The following SUCLG2 variants were observed in gnomAD, a reference collection of about 807,000 sequenced individuals.
SUCLG2 encodes the protein succinate-CoA ligase GDP-forming subunit beta, also known as succinate--CoA ligase [GDP-forming] subunit beta, mitochondrial.
SUCLG2 carries 42 observed loss-of-function variants against 47.9 expected under a neutral mutation model. The observed-to-expected ratio is 0.88, with a 90% confidence interval of 0.69 to 1.14. The LOEUF is 1.14. Ranked by LOEUF, SUCLG2 falls within the 50% of genes most tolerant of loss-of-function variation. The pLI, the probability that SUCLG2 is intolerant of heterozygous loss-of-function variation, is 0.00. For missense variants in SUCLG2, 571 were observed against 525.9 expected, an observed-to-expected ratio of 1.09 and a Z score of -0.84; for synonymous variants, 195 against 197.3, an observed-to-expected ratio of 0.99 and a Z score of 0.10.
intron 2 of SUCLG2, among the ~76,000 whole-genome samples, chr3:67,586,460 C>T (rs1227898373): frequency 6.6e-6 from 1 of 152,180 alleles, no homozygotes; most frequent in African/African-American, 2.4e-5. Flanking sequence ...TTCGAGAGAT[C>T]AGAAACAGGT....
chr3:67,425,816 G>A (rs1703287004), intron 9 of SUCLG2, among the ~76,000 whole-genome samples: 1 of 152,194 alleles, frequency 6.6e-6, no homozygotes, highest in Admixed American at 6.5e-5. Context: ...TAAAACAGGT[G>A]TAGTAAATTT....
intron 2 of SUCLG2, among the ~76,000 whole-genome samples, chr3:67,555,900 G>A (rs1339236599): frequency 1.3e-5 from 2 of 152,190 alleles, no homozygotes; most frequent in African/African-American, 4.8e-5. Context: ...CAAATCTAAG[G>A]TGGAGAAACC....
At chr3:67,616,220 C>T (rs1355080590) in intron 1 of SUCLG2, among the ~76,000 whole-genome samples, 1 of 152,006 alleles carries the variant, frequency 6.6e-6, no homozygotes. Flanking sequence ...GAGAAATAAA[C>T]GTTTGACGTG....
At position 67,609,614 on chromosome 3, in the gene SUCLG2, G is replaced by C. The variant is rs754794908; in HGVS notation, c.85-18C>G. On this transcript the variant is annotated intron_variant, in intron 1 of 10. Coordinates refer to ENST00000307227, the MANE Select transcript of SUCLG2 (RefSeq NM_003848.4). ...TGAACTGCCTACAGAAATTGAAGGA[G>C]AGAGGTAAGAACATTCATTAATAGC... 1 of 1,610,636 alleles carries C rather than the reference G, an allele frequency of 6.2e-7. No homozygotes were observed. The highest frequency in any genetic ancestry group is 8.5e-7 in the Non-Finnish European group (1 of 1,178,692).
At chr3:67,521,631 C>T (rs1277245434) in intron 4 of SUCLG2, among the ~76,000 whole-genome samples, 1 of 150,358 alleles carries the variant, frequency 6.7e-6, no homozygotes. Flanking sequence ...AAGACAGAGT[C>T]TCACTCTGTC....
intron 1 of SUCLG2, among the ~76,000 whole-genome samples, chr3:67,629,083 C>G (rs950885262): frequency 1.3e-5 from 2 of 152,164 alleles, no homozygotes; most frequent in Non-Finnish European, 1.5e-5. Flanking sequence ...GGTGTAAGAA[C>G]GTTTTCTGCT....
In SUCLG2 at chr3:67,582,105, C is replaced by T. The variant is rs1287059496; in HGVS notation, c.226+27350G>A. On this transcript the variant is annotated intron_variant, in intron 2 of 10. Coordinates refer to ENST00000307227, the MANE Select transcript of SUCLG2 (RefSeq NM_003848.4). ...CCATGTGCATGGCATATTAATATACCATATTTCTTTAAAAAAAACTTATTT... is the reference window on the plus strand; with the variant it reads ...CCATGTGCATGGCATATTAATATACTATATTTCTTTAAAAAAAACTTATTT... Among the ~76,000 whole-genome samples, 3 of 152,084 alleles carry T rather than the reference C, an allele frequency of 2.0e-5. No homozygotes were observed. The South Asian group carries it at 6.2e-4, about 32-fold the overall frequency.
At chr3:67,386,502 T>A (rs1333179634) in intron 10 of SUCLG2, among the ~76,000 whole-genome samples, 1 of 152,090 alleles carries the variant, frequency 6.6e-6, no homozygotes, top group East Asian at 1.9e-4. Flanking sequence ...GGGTAATTGA[T>A]AAAGGAAAGG....
chr3:67,589,450 A>C lies in SUCLG2; in HGVS notation c.226+20005T>G, dbSNP rs1387485477. 2.0e-5 allele frequency among the ~76,000 whole-genome samples: 3 copies of C among 152,230 alleles called. No homozygotes were observed. In the East Asian group the frequency reaches 5.8e-4, roughly 29 times the overall value. Reference sequence around the variant, plus strand: ...ACTGCTTTTCATTAAACTGACTAATAATGTGATTGAAGTGGCCAAACAATC... The same window carrying C: ...ACTGCTTTTCATTAAACTGACTAATCATGTGATTGAAGTGGCCAAACAATC... On this transcript the variant is annotated intron_variant, in intron 2 of 10. Transcript: ENST00000307227.
intron 10 of SUCLG2, among the ~76,000 whole-genome samples, chr3:67,362,440 T>A (rs547170943): frequency 6.6e-6 from 1 of 152,330 alleles, no homozygotes; most frequent in African/African-American, 2.4e-5. Flanking sequence ...AATTGCAATA[T>A]ATTTTCATGT....
chr3:67,538,216 G>A (rs1706599589), intron 2 of SUCLG2, among the ~76,000 whole-genome samples: 1 of 152,148 alleles, frequency 6.6e-6, no homozygotes. Flanking sequence ...TTATGTTTAA[G>A]TCTTTACTCC....
At chr3:67,417,116 A>G (rs1703055434) in intron 9 of SUCLG2, among the ~76,000 whole-genome samples, 1 of 151,866 alleles carries the variant, frequency 6.6e-6, no homozygotes, top group Non-Finnish European at 1.5e-5. Flanking sequence ...AAGAGCAAAG[A>G]GAATTCTTGT....
chr3:67,514,741 A>T (rs1705895736), intron 6 of SUCLG2, among the ~76,000 whole-genome samples: 1 of 152,210 alleles, frequency 6.6e-6, no homozygotes, highest in Admixed American at 6.5e-5. Context: ...AAAGGACAAA[A>T]TTATGGAATA....
intron 10 of SUCLG2, among the ~76,000 whole-genome samples, chr3:67,392,161 C>T (rs1465645234): frequency 2.6e-5 from 4 of 152,170 alleles, no homozygotes; most frequent in Admixed American, 6.5e-5. Flanking sequence ...TCATCTCCTT[C>T]CTCCTTCACT....
At chr3:67,585,992 C>CAAA (rs1491229038) in intron 2 of SUCLG2, among the ~76,000 whole-genome samples, 4 of 66,720 alleles carry the variant, frequency 6.0e-5, no homozygotes, top group African/African-American at 1.1e-4. Context: ...AAAAAAAAAA[C>CAAA]CAAACCCACA....
At chr3:67,389,559 C>T (rs954151671) in intron 10 of SUCLG2, among the ~76,000 whole-genome samples, 2 of 152,148 alleles carry the variant, frequency 1.3e-5, no homozygotes, top group African/African-American at 4.8e-5. Context: ...ACTACAGGGA[C>T]CTTTGCGAAA....
Position 67,520,698 on chromosome 3 carries a change from T to C in SUCLG2, c.418-64A>G, listed in dbSNP as rs1225093537. 8 of 1,533,276 alleles carry C rather than the reference T, an allele frequency of 5.2e-6. No homozygotes were observed. In the East Asian group the frequency reaches 6.8e-5, roughly 13 times the overall value. The allele number at this position is 1,533,276 out of a possible 1,614,324, so 95.0% of individuals were successfully genotyped here. ...AAGCTGATTTCTACTTGGAAATCTA[T>C]ACAAACTTGCTACACGAATCAAATG... On this transcript the variant is annotated intron_variant, in intron 4 of 10. Coordinates refer to ENST00000307227, the MANE Select transcript of SUCLG2 (RefSeq NM_003848.4).
At chr3:67,472,823 T>A (rs185725258) in intron 9 of SUCLG2, among the ~76,000 whole-genome samples, 1 of 152,292 alleles carries the variant, frequency 6.6e-6, no homozygotes, top group Non-Finnish European at 1.5e-5. Flanking sequence ...GTGGGGATAA[T>A]GATATACTTC....
At chr3:67,610,972 G>A (rs903733579) in intron 1 of SUCLG2, among the ~76,000 whole-genome samples, 2 of 152,174 alleles carry the variant, frequency 1.3e-5, no homozygotes, top group African/African-American at 2.4e-5. Flanking sequence ...TCTCTGTGAA[G>A]AAGGTGACAG....
Sources: gnomAD v4.1 joint callset for allele counts (sites outside exome capture counted in the v4.1 genomes callset) on GRCh38, gnomAD v4.1.1 for gene constraint, MANE v1.5 for transcripts, NCBI Gene and HGNC (gene_info 2026-07-23, HGNC 2026-07-21) for gene names.